DDC: variants seen among roughly 807,000 people sequenced by gnomAD.
DDC encodes the protein dopa decarboxylase, also known as aromatic-L-amino-acid decarboxylase.
In DDC, 43 loss-of-function variants were observed where a neutral mutation model predicts 60.0. That is an observed-to-expected ratio of 0.72 (90% confidence interval 0.56 to 0.92). The LOEUF (loss-of-function observed/expected upper bound fraction) is 0.92, where lower values mean the gene tolerates loss of function less well. Ranked by LOEUF, DDC falls within the 40% of genes least tolerant of loss-of-function variation. The probability of loss-of-function intolerance (pLI) is 0.00; values close to 1 mark genes in which losing one functional copy is unlikely to be tolerated. For missense variants in DDC, 573 were observed against 620.2 expected (o/e 0.92, Z 0.81); for synonymous variants, 232 against 234.6 (o/e 0.99, Z 0.10).
chr7:50,486,927 T>C (rs1421515727), intron 9 of DDC, among the ~76,000 whole-genome samples: 1 of 152,320 alleles, frequency 6.6e-6, no homozygotes, highest in East Asian at 1.9e-4. Flanking sequence ...GGGAGATGAA[T>C]ACATAATTGA....
In DDC at chr7:50,504,039, G is replaced by A; in HGVS notation, c.735C>T (p.Thr245=). Residue 245 remains threonine (T), a synonymous_variant, in exon 7 of 15, where the codon ACC becomes ACT. Coordinates refer to ENST00000444124, the MANE Select transcript of DDC (RefSeq NM_001082971.2). ...GATTGTCAAAGGAGCAGCATGTTGT[G>A]GTCCCCAGGGTGGCAACCATCTAGA... ...IPFFMVATLG[T]TTCCSFDNLL... is the part of the protein sequence containing the mutation. 1 of 1,613,724 alleles carries A rather than the reference G, an allele frequency of 6.2e-7. No individual in the cohort carries two copies.
At chr7:50,478,282 A>G (rs1380826898) in intron 10 of DDC, among the ~76,000 whole-genome samples, 4 of 152,132 alleles carry the variant, frequency 2.6e-5, no homozygotes, top group Non-Finnish European at 5.9e-5. Flanking sequence ...CCACCTTTTT[A>G]GTTTCTATTA....
At chr7:50,495,242 A>T (rs2043102549) in intron 9 of DDC, 108 bp downstream of exon 9, 4 of 796,328 alleles carry the variant, frequency 5.0e-6, no homozygotes, top group Non-Finnish European at 8.9e-6. Context: ...GGCAGCAAGC[A>T]GTGAGCTAAG....
chr7:50,540,344 G>T (rs375016441), intron 2 of DDC, among the ~76,000 whole-genome samples: 1 of 152,122 alleles, frequency 6.6e-6, no homozygotes, highest in Non-Finnish European at 1.5e-5. Context: ...AACAAAAGAA[G>T]TCTCAAAAAA....
rs1197187329 is a variant in DDC at position 50,553,105 on chromosome 7, T to A, written c.-28-8992A>T. On this transcript the variant is annotated intron_variant, in intron 1 of 14. Transcript: ENST00000444124. ...CCATGGGCAAGCCCATCCACGCCACTGTGCATGTGAGGTAGTGGATTCCTC... is the reference window on the plus strand; with the variant it reads ...CCATGGGCAAGCCCATCCACGCCACAGTGCATGTGAGGTAGTGGATTCCTC... 2.0e-5 allele frequency among the ~76,000 whole-genome samples: 3 copies of A among 152,232 alleles called. No individual in the cohort carries two copies. In the East Asian group the frequency reaches 5.8e-4, roughly 29 times the overall value.
At chr7:50,504,820 C>G (rs2043349637) in intron 6 of DDC, among the ~76,000 whole-genome samples, 1 of 152,160 alleles carries the variant, frequency 6.6e-6, no homozygotes, top group Admixed American at 6.5e-5. Context: ...CCAAGGCACT[C>G]ATGGAATGCT....
chr7:50,561,673 C>T (rs11575266), intron 1 of DDC, among the ~76,000 whole-genome samples: 7 of 152,030 alleles, frequency 4.6e-5, no homozygotes, highest in African/African-American at 1.7e-4. Context: ...CACCTCCACC[C>T]CCTCCCCCCA....
chr7:50,525,316 A>G (rs1437751922), intron 6 of DDC, among the ~76,000 whole-genome samples: 2 of 152,168 alleles, frequency 1.3e-5, no homozygotes, highest in East Asian at 1.9e-4. Context: ...ACATAGACCT[A>G]TACACACACA....
At chr7:50,519,125 C>T (rs1275256983) in intron 6 of DDC, among the ~76,000 whole-genome samples, 1 of 74,438 alleles carries the variant, frequency 1.3e-5, no homozygotes, top group Non-Finnish European at 3.2e-5. Flanking sequence ...AAATGGCCAA[C>T]AAACATATAA....
At chr7:50,468,133 C>G (rs902065738) in intron 12 of DDC, among the ~76,000 whole-genome samples, 1 of 152,252 alleles carries the variant, frequency 6.6e-6, no homozygotes, top group East Asian at 1.9e-4. Context: ...TGCGGAAACG[C>G]GGCGCCTCGC....
chr7:50,541,974 G>C (rs1017703500), intron 2 of DDC, among the ~76,000 whole-genome samples: 2 of 152,108 alleles, frequency 1.3e-5, no homozygotes, highest in African/African-American at 4.8e-5. Flanking sequence ...GAGTGGTGGA[G>C]AGAGGGAGCT....
intron 6 of DDC, among the ~76,000 whole-genome samples, chr7:50,515,851 A>G (rs768064371): frequency 2.6e-5 from 4 of 152,222 alleles, no homozygotes; most frequent in Non-Finnish European, 5.9e-5. Context: ...ATAATGGTAA[A>G]AGGCATTGTC....
intron 12 of DDC, among the ~76,000 whole-genome samples, chr7:50,469,588 T>G (rs938176795): frequency 6.6e-6 from 1 of 152,224 alleles, no homozygotes; most frequent in Non-Finnish European, 1.5e-5. Flanking sequence ...CCTGATAACC[T>G]GCAATCTTAA....
chr7:50,498,366 C>G (rs1006429439), intron 8 of DDC, among the ~76,000 whole-genome samples: 1 of 152,194 alleles, frequency 6.6e-6, no homozygotes, highest in Non-Finnish European at 1.5e-5. Context: ...TGCCACAGCT[C>G]CCCTGCTTTG....
At chr7:50,507,170 CA>C (rs1480774994) in intron 6 of DDC, among the ~76,000 whole-genome samples, 2 of 152,152 alleles carry the variant, frequency 1.3e-5, no homozygotes, top group African/African-American at 4.8e-5. Flanking sequence ...TTAGAAATGA[CA>C]TATCTCTAGT....
intron 6 of DDC, among the ~76,000 whole-genome samples, chr7:50,509,155 C>T (rs11765543): frequency 0.017 from 2,607 of 152,050 alleles, 34 homozygotes; most frequent in Non-Finnish European, 0.024. Flanking sequence ...GACCATGGCT[C>T]GCCACACACC....
At chr7:50,525,949 G>A (rs2044026509) in intron 6 of DDC, among the ~76,000 whole-genome samples, 1 of 151,720 alleles carries the variant, frequency 6.6e-6, no homozygotes, top group African/African-American at 2.4e-5. Context: ...ATATATGGCA[G>A]TCTGCAGAAA....
intron 4 of DDC, among the ~76,000 whole-genome samples, chr7:50,530,882 T>G (rs1380040251): frequency 6.6e-6 from 1 of 152,230 alleles, no homozygotes; most frequent in Non-Finnish European, 1.5e-5. Context: ...CTAACCTCTC[T>G]TCTTAACATT....
At chr7:50,516,818 A>G (rs1304707860) in intron 6 of DDC, among the ~76,000 whole-genome samples, 3 of 152,196 alleles carry the variant, frequency 2.0e-5, no homozygotes, top group Non-Finnish European at 4.4e-5. Flanking sequence ...CACATAAACT[A>G]GAAAACCCTT....
Sources: gnomAD v4.1 joint callset for allele counts (sites outside exome capture counted in the v4.1 genomes callset) on GRCh38, gnomAD v4.1.1 for gene constraint, MANE v1.5 for transcripts, NCBI Gene and HGNC (gene_info 2026-07-23, HGNC 2026-07-21) for gene names.